Variants in PLXDC2 observed in about 807,000 individuals in gnomAD.
The protein encoded by PLXDC2 is plexin domain-containing protein 2.
In PLXDC2, 40 loss-of-function variants were observed where a neutral mutation model predicts 68.9. The ratio of observed to expected loss-of-function variants is 0.58; its 90% confidence interval spans 0.45 to 0.76. The LOEUF is 0.76. PLXDC2 is among the 30% of genes least tolerant of loss of function. The pLI is 0.00. For synonymous variants in PLXDC2, 243 were observed against 234.2 expected (o/e 1.04, Z -0.34); for missense variants, 644 against 661.9 (o/e 0.97, Z 0.30).
chr10:19,879,291 A>G (rs1373975906), intron 1 of PLXDC2, among the ~76,000 whole-genome samples: 1 of 152,206 alleles, frequency 6.6e-6, no homozygotes, highest in Admixed American at 6.5e-5. Flanking sequence ...TTGATGATTT[A>G]TAAAATACTA....
intron 2 of PLXDC2, among the ~76,000 whole-genome samples, chr10:20,022,113 C>T (rs143107036): frequency 1.1e-4 from 16 of 152,358 alleles, no homozygotes; most frequent in East Asian, 7.7e-4. Context: ...CATTTACTCT[C>T]GGATTCTCCT....
chr10:20,158,724 T>C (rs1360337087), intron 6 of PLXDC2, among the ~76,000 whole-genome samples: 1 of 151,802 alleles, frequency 6.6e-6, no homozygotes, highest in Non-Finnish European at 1.5e-5. Context: ...TTATTTTAAA[T>C]GTACCTTTTA....
intron 2 of PLXDC2, among the ~76,000 whole-genome samples, chr10:20,017,104 TAGAG>T (rs894645293): frequency 1.4e-4 from 21 of 152,112 alleles, no homozygotes; most frequent in African/African-American, 5.1e-4. Flanking sequence ...GAGAGATAAA[TAGAG>T]AGAGAGAAAC....
chr10:19,909,575 A>G (rs1833228992), intron 1 of PLXDC2, among the ~76,000 whole-genome samples: 4 of 152,172 alleles, frequency 2.6e-5, no homozygotes, highest in Admixed American at 1.3e-4. Context: ...TACTCTCTCA[A>G]TTATTTTACT....
chr10:20,115,691 T>C (rs1032362345), intron 4 of PLXDC2, among the ~76,000 whole-genome samples: 1 of 152,186 alleles, frequency 6.6e-6, no homozygotes, highest in African/African-American at 2.4e-5. Flanking sequence ...ATACTTCCCA[T>C]ATCTAAAATT....
intron 1 of PLXDC2, among the ~76,000 whole-genome samples, chr10:19,932,371 CCTTTCTA>C (rs1833652760): frequency 6.6e-6 from 1 of 152,156 alleles, no homozygotes; most frequent in Admixed American, 6.5e-5. Context: ...TCCAGCCTTT[CCTTTCTA>C]TATACCAGGA....
chr10:20,236,266 A>G (rs1198979156), intron 12 of PLXDC2, among the ~76,000 whole-genome samples: 5 of 152,040 alleles, frequency 3.3e-5, no homozygotes, highest in Non-Finnish European at 5.9e-5. Flanking sequence ...ACATAGTGAA[A>G]GCCCGTCTCT....
chr10:20,038,389 T>A (rs1208696706), intron 2 of PLXDC2, among the ~76,000 whole-genome samples: 1 of 152,114 alleles, frequency 6.6e-6, no homozygotes, highest in African/African-American at 2.4e-5. Flanking sequence ...GGTAAACAAC[T>A]GTAACAACAT....
Position 20,164,566 on chromosome 10 carries a change from C to A in PLXDC2, c.882C>A (p.Pro294=). 6.2e-7 allele frequency: 1 copy of A among 1,607,736 alleles called. No individual in the cohort carries two copies. Among genetic ancestry groups the A allele is most frequent in the Non-Finnish European group, 8.5e-7 (1 of 1,174,554 alleles). Residue 294 remains proline (P), a splice_region_variant and synonymous_variant, in exon 7 of 14, where the codon CCC becomes CCA. Transcript: ENST00000377252. ...FVVVHRIQQI[P]NVRRRTIYEY... is the part of the protein sequence containing the mutation. The stretch of plus-strand genomic sequence containing the variant: ...TTGTCCACAGGATCCAACAAATTCC[C>A]AGTACGTAGAAGAAGGGCAGTCGCA...
chr10:20,128,516 C>T (rs371811370), intron 4 of PLXDC2, among the ~76,000 whole-genome samples: 3 of 151,980 alleles, frequency 2.0e-5, no homozygotes, highest in Non-Finnish European at 2.9e-5. Context: ...GGTAAGAACA[C>T]GTAAGATCTA....
chr10:20,251,611 A>G (rs1835676831), intron 13 of PLXDC2, among the ~76,000 whole-genome samples: 1 of 152,162 alleles, frequency 6.6e-6, no homozygotes, highest in Admixed American at 6.5e-5. Context: ...TCACTATTCA[A>G]GATTTTTAAA....
intron 13 of PLXDC2, among the ~76,000 whole-genome samples, chr10:20,257,997 C>CT (rs550997528): frequency 0.084 from 7,100 of 84,452 alleles, 349 homozygotes; most frequent in Middle Eastern, 0.1. Context: ...TTTTTTCTTT[C>CT]TTTTTTTTTT....
At chr10:20,044,268 TC>T (rs1174110554) in intron 2 of PLXDC2, among the ~76,000 whole-genome samples, 2 of 128,766 alleles carry the variant, frequency 1.6e-5, no homozygotes, top group African/African-American at 3.2e-5. Context: ...TTTCTTTCTT[TC>T]TTTCTTTCTT....
chr10:20,198,389 A>G (rs953742685), intron 9 of PLXDC2, among the ~76,000 whole-genome samples: 12 of 151,540 alleles, frequency 7.9e-5, no homozygotes, highest in Admixed American at 5.9e-4. Context: ...AATATTGACG[A>G]CTCTTCTATG....
intron 2 of PLXDC2, among the ~76,000 whole-genome samples, chr10:20,015,777 C>T (rs952575933): frequency 6.6e-6 from 1 of 152,116 alleles, no homozygotes; most frequent in Non-Finnish European, 1.5e-5. Context: ...ATGGCAATCT[C>T]CAATTCTCTC....
At chr10:20,160,980 C>T (rs759900548) in intron 6 of PLXDC2, among the ~76,000 whole-genome samples, 10 of 152,032 alleles carry the variant, frequency 6.6e-5, no homozygotes, top group Non-Finnish European at 1.3e-4. Flanking sequence ...CACAGTGAGA[C>T]CCAATGTCTT....
chr10:19,951,461 C>G (rs1374821431), intron 1 of PLXDC2, among the ~76,000 whole-genome samples: 1 of 152,068 alleles, frequency 6.6e-6, no homozygotes, highest in Non-Finnish European at 1.5e-5. Context: ...TATCTCACAC[C>G]AGTTTTCACA....
intron 13 of PLXDC2, among the ~76,000 whole-genome samples, chr10:20,263,852 C>T (rs1419663028): frequency 2.6e-5 from 4 of 152,106 alleles, no homozygotes; most frequent in Non-Finnish European, 5.9e-5. Flanking sequence ...ATAAAGGGAA[C>T]CCTTTTTGCA....
At chr10:19,945,321 G>A (rs1833883622) in intron 1 of PLXDC2, among the ~76,000 whole-genome samples, 1 of 152,188 alleles carries the variant, frequency 6.6e-6, no homozygotes, top group African/African-American at 2.4e-5. Context: ...GTCTCAGGTG[G>A]TTTAACAAGG....
Sources: allele counts gnomAD v4.1 joint callset (sites outside exome capture counted in the v4.1 genomes callset), GRCh38; gene constraint gnomAD v4.1.1; transcripts MANE v1.5; gene names NCBI Gene and HGNC (gene_info 2026-07-23, HGNC 2026-07-21).